Variants in ADGRE3 observed in about 807,000 individuals in gnomAD.
ADGRE3 encodes adhesion G protein-coupled receptor E3, also known as EGF-like module receptor 3.
A neutral mutation model predicts 80.1 loss-of-function variants in ADGRE3; 88 were observed. The observed-to-expected ratio is 1.10, with a 90% CI of 0.93 to 1.31. The LOEUF (loss-of-function observed/expected upper bound fraction) is 1.31, where lower values mean the gene tolerates loss of function less well. ADGRE3 is among the 40% of genes most tolerant of loss of function. The pLI is 0.00. For synonymous variants in ADGRE3, 281 were observed against 294.8 expected, an observed-to-expected ratio of 0.95 and a Z score of 0.48; for missense variants, 715 against 776.5, an observed-to-expected ratio of 0.92 and a Z score of 0.94.
At chr19:14,642,984 C>T (rs767236692) in intron 9 of ADGRE3, among the ~76,000 whole-genome samples, 4 of 152,076 alleles carry the variant, frequency 2.6e-5, no homozygotes, top group Non-Finnish European at 5.9e-5. Context: ...GTCCTGTTTT[C>T]AGCTCTTTGA....
chr19:14,632,950 A>G lies in ADGRE3; in HGVS notation c.1614T>C (p.Asn538=). ...WILKRKLSSL[N]SEVSTIQNTR... is the part of the protein sequence containing the mutation. ...TGTTCTGGATGGTTGACACTTCACT[A>G]TTGAGGGAGGAAAGTTTTCTTTTCA... Residue 538 remains asparagine, a synonymous_variant, in exon 13 of 16, where the codon AAT becomes AAC. Transcript: ENST00000253673. 1 of 1,613,214 alleles carries G rather than the reference A, an allele frequency of 6.2e-7. No individual in the cohort carries two copies. The highest frequency in any genetic ancestry group is 1.1e-5 in the South Asian group (1 of 91,060).
At chr19:14,617,313 T>TTTC (rs1257953377), downstream of ADGRE3, among the ~76,000 whole-genome samples, 1 of 132,624 alleles carries the variant, frequency 7.5e-6, no homozygotes. Flanking sequence ...CTCTCTCTCT[T>TTTC]CCCCTTGCTT....
At chr19:14,673,744 A>G (rs2146920499) in intron 1 of ADGRE3, among the ~76,000 whole-genome samples, 1 of 152,354 alleles carries the variant, frequency 6.6e-6, no homozygotes, top group East Asian at 1.9e-4. Context: ...TTTTCTTTGT[A>G]TAAATTTATG....
In ADGRE3 at chr19:14,661,850, A is replaced by G. The variant is rs932013142; in HGVS notation, c.355+113T>C. 21 of 1,159,200 alleles carry G rather than the reference A, an allele frequency of 1.8e-5. No individual in the cohort carries two copies. In the Middle Eastern group the frequency reaches 6.1e-4, roughly 34 times the overall value. 71.8% of individuals were successfully genotyped at this position (1,159,200 alleles called of 1,614,324 possible). Reference sequence around the variant, plus strand: ...GGGAGGCGGAGGTTTCAGCCACTGCACTCCAGCCTGGGCTACAGAGCGAGA... The same window carrying G: ...GGGAGGCGGAGGTTTCAGCCACTGCGCTCCAGCCTGGGCTACAGAGCGAGA... On this transcript the variant is annotated intron_variant, in intron 4 of 15. Transcript: ENST00000253673.
At chr19:14,650,336 T>C (rs1435079428) in intron 7 of ADGRE3, among the ~76,000 whole-genome samples, 2 of 135,692 alleles carry the variant, frequency 1.5e-5, no homozygotes, top group East Asian at 4.7e-4. Flanking sequence ...TTCCATCTCT[T>C]TCCCTATCTT....
At chr19:14,611,860 T>C in the ADGRE3 span, among the ~76,000 whole-genome samples, 18 of 151,894 alleles carry the variant, frequency 1.2e-4, no homozygotes, top group Non-Finnish European at 2.4e-4. Flanking sequence ...AAAAATTAGC[T>C]GGGCGTGGTG....
intron 5 of ADGRE3, among the ~76,000 whole-genome samples, chr19:14,656,905 T>C (rs1019076694): frequency 6.6e-6 from 1 of 152,192 alleles, no homozygotes; most frequent in African/African-American, 2.4e-5. Context: ...TATTTATTTA[T>C]TTATTTTTGA....
In ADGRE3 at chr19:14,642,345, TA is replaced by T. The variant is rs538706852; in HGVS notation, c.1051-730del. Among the ~76,000 whole-genome samples the T allele has an allele frequency of 2.3e-4, 34 of 149,384 alleles. No individual in the cohort carries two copies. In the South Asian group the frequency reaches 3.6e-3, roughly 16 times the overall value. On this transcript the variant is annotated intron_variant, in intron 9 of 15. Transcript: ENST00000253673. Reference sequence around the variant, plus strand: ...TGAGCAACAAGTGAGACCCCGTATCTAAAAAAAAAATAAAGTGTCTTTGTAT... The same window carrying T: ...TGAGCAACAAGTGAGACCCCGTATCTAAAAAAAAATAAAGTGTCTTTGTAT...
intron 9 of ADGRE3, among the ~76,000 whole-genome samples, chr19:14,643,666 G>A (rs748737060): frequency 1.3e-5 from 2 of 152,052 alleles, no homozygotes; most frequent in Non-Finnish European, 2.9e-5. Flanking sequence ...CTGGAAGCTT[G>A]CACCAGGTTT....
At chr19:14,615,772 A>T (rs921950295), downstream of ADGRE3, among the ~76,000 whole-genome samples, 11 of 151,004 alleles carry the variant, frequency 7.3e-5, no homozygotes, top group African/African-American at 2.4e-4. Context: ...AAAAAAAAAA[A>T]TTAGAGAGAC....
At chr19:14,657,973 C>G (rs1308981168) in intron 5 of ADGRE3, among the ~76,000 whole-genome samples, 1 of 152,002 alleles carries the variant, frequency 6.6e-6, no homozygotes, top group African/African-American at 2.4e-5. Flanking sequence ...CCATGTTGGC[C>G]AGGCTGGTCT....
chr19:14,617,341 C>CTTTCTTTCTTT (rs1599593839), downstream of ADGRE3, among the ~76,000 whole-genome samples: 128 of 57,250 alleles, frequency 2.2e-3, 3 homozygotes, highest in East Asian at 0.018. Flanking sequence ...TCCCTCCCTC[C>CTTTCTTTCTTT]CTTTCTTTCT....
At position 14,626,999 on chromosome 19, in the gene ADGRE3, A is replaced by T. The variant is rs892290114; in HGVS notation, c.1813-1400T>A. Among the ~76,000 whole-genome samples the T allele has an allele frequency of 3.1e-3, 477 of 152,326 alleles. 9 individuals carry two copies. Among genetic ancestry groups the T allele is most frequent in the Non-Finnish European group, 6.5e-4 (44 of 68,030 alleles). On this transcript the variant is annotated intron_variant, in intron 14 of 15. Transcript: ENST00000253673. Reference sequence around the variant, plus strand: ...TTGCAACAAGCAACTCCAGGCATGTAGAGACAGAAGCCAAAGGGATATGAG... The same window carrying T: ...TTGCAACAAGCAACTCCAGGCATGTTGAGACAGAAGCCAAAGGGATATGAG...
In ADGRE3 at chr19:14,629,218, C is replaced by T. The variant is rs146983040; in HGVS notation, c.1812+821G>A. ...GGATTACAGGCGTGAGCCACTGCAC[C>T]CTGCCGATTGGAAACTTTTTCTGAA... is the stretch of plus-strand genomic sequence containing the variant. On this transcript the variant is annotated intron_variant, in intron 14 of 15. Transcript: ENST00000253673. 2.9e-3 allele frequency among the ~76,000 whole-genome samples: 440 copies of T among 152,266 alleles called. 3 individuals carry two copies. The highest frequency in any genetic ancestry group is 4.6e-3 in the Non-Finnish European group (311 of 68,024).
the ADGRE3 span, chr19:14,610,284 G>C: frequency 6.6e-7 from 1 of 1,505,838 alleles, no homozygotes; most frequent in Admixed American, 2.0e-5. Context: ...TTGCCTCTTC[G>C]TGAGTGGACA....
chr19:14,655,878 C>T (rs1455675907), intron 5 of ADGRE3, among the ~76,000 whole-genome samples: 1 of 152,012 alleles, frequency 6.6e-6, no homozygotes, highest in Non-Finnish European at 1.5e-5. Context: ...GCACATGTGG[C>T]GATGGCTGGA....
chr19:14,650,406 C>T (rs180903920), intron 7 of ADGRE3, among the ~76,000 whole-genome samples: 5 of 150,678 alleles, frequency 3.3e-5, no homozygotes, highest in Non-Finnish European at 4.4e-5. Flanking sequence ...CTTTCCATCG[C>T]TGTCCCCATC....
At chr19:14,608,758 T>C in the ADGRE3 span, among the ~76,000 whole-genome samples, 1 of 150,856 alleles carries the variant, frequency 6.6e-6, no homozygotes, top group African/African-American at 2.4e-5. Context: ...CTCAGACTAT[T>C]GAGTAGCTGG....
rs901034245 is a variant in ADGRE3 at position 14,674,677 on chromosome 19, A to G, written c.25+69T>C. 21 of 1,497,286 alleles carry G rather than the reference A, an allele frequency of 1.4e-5. No individual in the cohort carries two copies. The Admixed American group carries it at 1.6e-4, about 11-fold the overall frequency. The allele number at this position is 1,497,286 out of a possible 1,614,324, so 92.8% of individuals were successfully genotyped here. The stretch of plus-strand genomic sequence containing the variant: ...AAGAAAGAGGAGGAGAAAATAACCA[A>G]TTGTTGAACCAAGTGGTCCCTGACT... On this transcript the variant is annotated intron_variant, in intron 1 of 15. Transcript: ENST00000253673.
Sources: gnomAD v4.1 joint callset for allele counts (sites outside exome capture counted in the v4.1 genomes callset) on GRCh38, gnomAD v4.1.1 for gene constraint, MANE v1.5 for transcripts, NCBI Gene and HGNC (gene_info 2026-07-23, HGNC 2026-07-21) for gene names.